Variants in ROBO1 observed in about 807,000 individuals in gnomAD.
ROBO1 encodes roundabout homolog 1.
A neutral mutation model predicts 195.9 loss-of-function variants in ROBO1; 149 were observed. The observed-to-expected ratio is 0.76, with a 90% confidence interval of 0.67 to 0.87. The LOEUF (loss-of-function observed/expected upper bound fraction) is 0.87. ROBO1 is among the 40% of genes least tolerant of loss of function. The pLI is 0.00. For missense variants in ROBO1, 1,933 were observed against 2,068.3 expected (o/e 0.93, Z 1.27); for synonymous variants, 816 against 733.2 (o/e 1.11, Z -1.82).
intron 1 of ROBO1, among the ~76,000 whole-genome samples, chr3:79,686,081 T>C (rs1291474570): frequency 6.6e-6 from 1 of 152,110 alleles, no homozygotes; most frequent in East Asian, 1.9e-4. Flanking sequence ...TGCAAATCAA[T>C]AAACATAATC....
rs1406447102 is a variant in ROBO1 at position 79,761,853 on chromosome 3, G to A, written c.-51+5899C>T. ...CATATTGATCTGACTGAATTGGAGA[G>A]CAATTGTTGTGATAAACTCCCTGTT... On this transcript the variant is annotated intron_variant, in intron 1 of 30. Coordinates refer to ENST00000464233, the MANE Select transcript of ROBO1 (RefSeq NM_002941.4). Among the ~76,000 whole-genome samples the A allele has an allele frequency of 7.9e-5, 12 of 152,144 alleles. No individual in the cohort carries two copies. The East Asian group carries it at 1.9e-3, about 24-fold the overall frequency.
intron 1 of ROBO1, among the ~76,000 whole-genome samples, chr3:79,698,680 C>G (rs571003100): frequency 6.6e-6 from 1 of 151,570 alleles, no homozygotes; most frequent in African/African-American, 2.4e-5. Context: ...TTACTTAATT[C>G]AATCTTAAAG....
intron 3 of ROBO1, among the ~76,000 whole-genome samples, chr3:79,060,947 G>T (rs1176811490): frequency 6.6e-6 from 1 of 152,146 alleles, no homozygotes; most frequent in Non-Finnish European, 1.5e-5. Flanking sequence ...CACAAGGCAA[G>T]GATGCCCTCT....
chr3:78,607,458 C>T (rs1046503695), intron 28 of ROBO1, among the ~76,000 whole-genome samples: 2 of 152,110 alleles, frequency 1.3e-5, no homozygotes, highest in African/African-American at 4.8e-5. Flanking sequence ...AGTGATCTGT[C>T]CACCTTGGCT....
At chr3:79,189,860 A>T (rs1271769675) in intron 2 of ROBO1, among the ~76,000 whole-genome samples, 1 of 151,722 alleles carries the variant, frequency 6.6e-6, no homozygotes, top group East Asian at 1.9e-4. Context: ...CAAATACATG[A>T]TATAGAATTT....
intron 4 of ROBO1, among the ~76,000 whole-genome samples, chr3:78,901,135 T>A (rs187209206): frequency 6.6e-6 from 1 of 152,234 alleles, no homozygotes; most frequent in African/African-American, 2.4e-5. Flanking sequence ...GCACACGATG[T>A]CATGCTGACT....
rs565530580 is a variant in ROBO1, at chr3:78,708,556, C to T, written c.1045+5841G>A. ...CTGATTCTAAGAAGAACCTGAAGGC[C>T]CACCTTGTAAGCATCTAATAAATAC... is the stretch of plus-strand genomic sequence containing the variant. On this transcript the variant is annotated intron_variant, in intron 8 of 30. Coordinates refer to ENST00000464233, the MANE Select transcript of ROBO1 (RefSeq NM_002941.4). Among the ~76,000 whole-genome samples, 264 of 151,730 alleles carry T rather than the reference C, an allele frequency of 1.7e-3. 2 individuals carry two copies. Among genetic ancestry groups the T allele is most frequent in the African/African-American group, 6.2e-3 (255 of 41,356 alleles).
At chr3:78,950,968 A>T (rs2040744899) in intron 3 of ROBO1, among the ~76,000 whole-genome samples, 1 of 151,802 alleles carries the variant, frequency 6.6e-6, no homozygotes, top group Non-Finnish European at 1.5e-5. Flanking sequence ...ATTCAATATC[A>T]TTGGTTTCTA....
At chr3:79,560,884 G>T (rs759861845) in intron 2 of ROBO1, among the ~76,000 whole-genome samples, 4 of 152,052 alleles carry the variant, frequency 2.6e-5, no homozygotes, top group Non-Finnish European at 5.9e-5. Flanking sequence ...GCCAACAATT[G>T]CTATGATATG....
At chr3:79,127,535 A>C (rs2080238895) in intron 2 of ROBO1, among the ~76,000 whole-genome samples, 1 of 152,218 alleles carries the variant, frequency 6.6e-6, no homozygotes, top group Admixed American at 6.5e-5. Flanking sequence ...TTTAATGTGG[A>C]CGCACACATT....
chr3:79,002,025 C>G (rs1214423070), intron 3 of ROBO1, among the ~76,000 whole-genome samples: 1 of 152,020 alleles, frequency 6.6e-6, no homozygotes. Context: ...GGTGTGGTAA[C>G]TATTTGGATA....
At chr3:79,268,448 C>T (rs73110997) in intron 2 of ROBO1, among the ~76,000 whole-genome samples, 28,254 of 151,428 alleles carry the variant, frequency 0.19, 2,928 homozygotes, top group African/African-American at 0.28. Flanking sequence ...ACCTTCCTGT[C>T]CCACATGATG....
chr3:79,462,599 ACTTTTGGAAAGAAAATAAAGTTAC>A (rs1184247447), intron 2 of ROBO1, among the ~76,000 whole-genome samples: 1 of 152,238 alleles, frequency 6.6e-6, no homozygotes, highest in African/African-American at 2.4e-5. Flanking sequence ...ACAATGAAGC[ACTTTTGGAAAGAAAATAAAGTTAC>A]CTACGAAATA....
chr3:78,940,186 T>C (rs73120653), intron 3 of ROBO1, among the ~76,000 whole-genome samples: 154 of 152,100 alleles, frequency 1.0e-3, no homozygotes, highest in Non-Finnish European at 2.0e-3. Context: ...TCTCTTTCTG[T>C]CCCCTAGTTC....
chr3:78,900,350 C>T (rs1306476574), intron 4 of ROBO1, among the ~76,000 whole-genome samples: 2 of 152,070 alleles, frequency 1.3e-5, no homozygotes, highest in South Asian at 2.1e-4. Flanking sequence ...ATATTTAATT[C>T]CCCAAAGAAT....
At chr3:79,182,802 G>T (rs74902553) in intron 2 of ROBO1, among the ~76,000 whole-genome samples, 5,182 of 152,130 alleles carry the variant, frequency 0.034, 110 homozygotes, top group Middle Eastern at 0.079. Flanking sequence ...TACATAGGCC[G>T]GGTGTAGTGG....
rs149898143 is a variant in ROBO1 at position 78,717,998 on chromosome 3, C to T, written c.658-115G>A. On this transcript the variant is annotated intron_variant, in intron 5 of 30. Coordinates refer to ENST00000464233, the MANE Select transcript of ROBO1 (RefSeq NM_002941.4). ...AAGCATATAAATCAAAGCATAATTA[C>T]ATCAACAGCTGATATGTAGTATTTG... The T allele has an allele frequency of 7.9e-5, 76 of 964,672 alleles. No individual in the cohort carries two copies. The African/African-American group carries it at 1.1e-3, about 14-fold the overall frequency. 59.8% of individuals were successfully genotyped at this position (964,672 alleles called of 1,614,324 possible).
intron 4 of ROBO1, among the ~76,000 whole-genome samples, chr3:78,770,941 C>T (rs1381371884): frequency 1.3e-5 from 2 of 151,994 alleles, no homozygotes; most frequent in Non-Finnish European, 2.9e-5. Context: ...GTTGCTTCCA[C>T]CTGTGGTCCC....
At chr3:78,666,544 C>A (rs562490305) in intron 14 of ROBO1, among the ~76,000 whole-genome samples, 2 of 152,284 alleles carry the variant, frequency 1.3e-5, no homozygotes, top group African/African-American at 2.4e-5. Flanking sequence ...GGTCTACATT[C>A]TTTACAAATG....
Sources: allele counts gnomAD v4.1 joint callset (sites outside exome capture counted in the v4.1 genomes callset), GRCh38; gene constraint gnomAD v4.1.1; transcripts MANE v1.5; gene names NCBI Gene and HGNC (gene_info 2026-07-23, HGNC 2026-07-21).